Variants in CIC observed in about 807,000 individuals in gnomAD.
The protein encoded by CIC is protein capicua homolog.
In CIC, 18 loss-of-function variants were observed where a neutral mutation model predicts 115.7. The ratio of observed to expected loss-of-function variants is 0.16; its 90% confidence interval spans 0.11 to 0.23. The LOEUF is 0.23. Ranked by LOEUF, CIC falls within the 10% of genes least tolerant of loss-of-function variation. The pLI is 1.00. For missense variants in CIC, 2,000 were observed against 2,159.3 expected, an observed-to-expected ratio of 0.93 and a Z score of 1.46; for synonymous variants, 1,076 against 923.0, an observed-to-expected ratio of 1.17 and a Z score of -3.01.
rs751509060 is a variant in CIC at position 42,287,266 on chromosome 19, G to C, written c.3179+26G>C. ...GTGAGTTCCCTGAGGCCTGGGACTT[G>C]GGGGTGGGATGGCCAGAGACATGGC... On this transcript the variant is annotated intron_variant, in intron 4 of 20. Transcript: ENST00000681038. The surrounding 1 kb of genome is among the most constrained non-coding windows in gnomAD (Gnocchi z 8.7). 2.0e-5 allele frequency: 33 copies of C among 1,613,858 alleles called. No individual in the cohort carries two copies. The South Asian group carries it at 3.4e-4, about 17-fold the overall frequency.
At chr19:42,284,040 AGGGGAGCGCGTAGTAGTGGCGGGGC>A (rs1159496402) in intron 2 of CIC, 1 of 96,896 alleles carries the variant, frequency 1.0e-5, no homozygotes, top group Non-Finnish European at 2.3e-5. Context: ...CGGCGGGGGG[AGGGGAGCGCGTAGTAGTGGCGGGGC>A]GGGGAGGCGG....
intron 2 of CIC, chr19:42,284,554 CGGAGGGGGGCGGCGG>C (rs2037469222): frequency 5.7e-6 from 1 of 176,480 alleles, no homozygotes; most frequent in Admixed American, 1.1e-4. Flanking sequence ...GTGGGGCGGC[CGGAGGGGGGCGGCGG>C]GGGGGGGGGC....
In CIC at chr19:42,289,211, C is replaced by G. The variant is rs199556766; in HGVS notation, c.3892C>G (p.Pro1298Ala). Residue 1298 changes from proline (P) to alanine (A), a missense_variant, in exon 9 of 21, where the codon CCA becomes GCA. By Grantham distance (27) the Pro-to-Ala change is conservative (BLOSUM62 -1). This residue lies in a region of CIC where 1,466 missense variants were observed against 1,390.4 expected (regional missense o/e 1.05). Transcript: ENST00000681038. Reference protein sequence around the residue: ...MVSGPASYSGPKPSTQYGAPG... With the variant: ...MVSGPASYSGAKPSTQYGAPG... ...GTCTGGCCCTGCATCGTACTCTGGC[C>G]CAAAGCCTTCTACCCAGTATGGAGC... The G allele has an allele frequency of 1.1e-5, 17 of 1,613,322 alleles. 1 individual carries two copies. In the Admixed American group the frequency reaches 2.2e-4, roughly 21 times the overall value.
In CIC at chr19:42,295,348, C is replaced by T. The variant is rs970909670; in HGVS notation, c.*157C>T. ...TCCTCTTGTAAATACCCCCTTCCCTCGAAGCTCCCTCCCGGTGCTGGGGGG... is the reference window on the plus strand; with the variant it reads ...TCCTCTTGTAAATACCCCCTTCCCTTGAAGCTCCCTCCCGGTGCTGGGGGG... On this transcript the variant is annotated 3_prime_UTR_variant, in exon 21 of 21. Transcript: ENST00000681038. The T allele has an allele frequency of 3.5e-5, 23 of 658,128 alleles. No homozygotes were observed. Among genetic ancestry groups the T allele is most frequent in the East Asian group, 1.4e-4 (5 of 35,762 alleles). 40.8% of individuals were successfully genotyped at this position (658,128 alleles called of 1,614,324 possible).
intron 2 of CIC, among the ~76,000 whole-genome samples, chr19:42,282,076 G>A (rs2037282730): frequency 6.6e-6 from 1 of 152,162 alleles, no homozygotes; most frequent in Non-Finnish European, 1.5e-5. Context: ...GCCTCAATTC[G>A]TGCCTCACAT....
rs763904329 is a variant in CIC at position 42,293,847 on chromosome 19, G to A, written c.6767+11G>A. ...TGACTCTGTGGACAAGTGAGCATGG[G>A]CTGGGGCCTTGGTGGAGCGTGTTAG... On this transcript the variant is annotated intron_variant, in intron 17 of 20. Transcript: ENST00000681038. The A allele has an allele frequency of 1.9e-6, 3 of 1,612,938 alleles. No homozygotes were observed. In the East Asian group the frequency reaches 6.7e-5, roughly 36 times the overall value.
chr19:42,292,754 G>A lies in CIC; in HGVS notation c.6091G>A (p.Val2031Met), dbSNP rs1387133319. ...GGCCCCCCCAAGCCTGGTCTACACTGTGGCCACCAGCACAACCCCACCTGC... is the reference window on the plus strand; with the variant it reads ...GGCCCCCCCAAGCCTGGTCTACACTATGGCCACCAGCACAACCCCACCTGC... ...SQAPPSLVYT[V>M]ATSTTPPAAT... is the part of the protein sequence containing the mutation. The change falls in exon 15 of 21, where the codon GTG (valine) becomes ATG (methionine). Residue 2031 changes from valine (V) to methionine (M), a missense_variant. Physicochemically the swap from Val to Met is conservative, Grantham distance 21. Coordinates refer to ENST00000681038, the MANE Select transcript of CIC (RefSeq NM_001386298.1). The A allele has an allele frequency of 1.9e-6, 3 of 1,613,548 alleles. No individual in the cohort carries two copies. In the South Asian group the frequency reaches 3.3e-5, roughly 18 times the overall value.
At chr19:42,284,704 C>G (rs1789560620) in intron 2 of CIC, 4 of 1,548,502 alleles carry the variant, frequency 2.6e-6, no homozygotes, top group Non-Finnish European at 3.5e-6. Flanking sequence ...TGCGCCGGAC[C>G]ATGTATTCGG....
upstream of CIC, chr19:42,268,570 G>A (rs1225104100): frequency 1.3e-5 from 2 of 152,218 alleles, no homozygotes; most frequent in African/African-American, 4.8e-5. Context: ...AGGAGCCACC[G>A]GCGACGCCAG....
chr19:42,291,983 G>A (rs1049463034), intron 12 of CIC, 103 bp from the exon 13 acceptor site: 1 of 1,546,676 alleles, frequency 6.5e-7, no homozygotes, highest in Non-Finnish European at 8.9e-7. Context: ...CCCAAGTTCT[G>A]TGTTCCTTGC....
chr19:42,284,712 C>G, intron 2 of CIC: 1 of 1,551,438 alleles, frequency 6.4e-7, no homozygotes. Context: ...ACCATGTATT[C>G]GGCCCACAGG....
Position 42,274,162 on chromosome 19 carries a change from G to T in CIC, c.2379G>T (p.Ser793=), listed in dbSNP as rs1414954970. 2.5e-6 allele frequency: 1 copy of T among 399,210 alleles called. No individual in the cohort carries two copies. The highest frequency in any genetic ancestry group is 1.3e-4 in the South Asian group (1 of 7,906). 24.7% of individuals were successfully genotyped at this position (399,210 alleles called of 1,614,324 possible). A position where few individuals can be genotyped will look rare whatever the true frequency, so the allele number is the denominator to read the frequency against. Residue 793 remains serine, a synonymous_variant, in exon 2 of 21, where the codon TCG becomes TCT. Coordinates refer to ENST00000681038, the MANE Select transcript of CIC (RefSeq NM_001386298.1). The part of the protein sequence containing the change: ...LLLPPPAGLT[S]DPGPSVRRVP... ...TGCCACCCCCTGCCGGCCTGACCTC[G>T]GATCCAGGGCCCTCTGTGCGCAGGG...
chr19:42,278,921 G>A (rs1306442235), intron 2 of CIC, among the ~76,000 whole-genome samples: 5 of 152,240 alleles, frequency 3.3e-5, no homozygotes. Flanking sequence ...GAAAGCGGGG[G>A]CTGTATGGAC....
At chr19:42,283,586 C>T (rs1182337977) in intron 2 of CIC, among the ~76,000 whole-genome samples, 3 of 152,102 alleles carry the variant, frequency 2.0e-5, no homozygotes. Flanking sequence ...TAGGTGAGGG[C>T]TCAGGATGCC....
chr19:42,293,089 C>T lies in CIC; in HGVS notation c.6330C>T (p.Gly2110=), dbSNP rs2038262688. 1 of 1,610,318 alleles carries T rather than the reference C, an allele frequency of 6.2e-7. No individual in the cohort carries two copies. The highest frequency in any genetic ancestry group is 1.3e-5 in the African/African-American group (1 of 75,014). The change falls in exon 16 of 21, where the codon GGC becomes GGT. Residue 2110 remains glycine (G), a synonymous_variant. Transcript: ENST00000681038. Reference sequence around the variant, plus strand: ...AGGCAGGTGCCTCTGGGCGGCCTGGCCCTGCACCCCGGCAGCCTCTGGAGC... The same window carrying T: ...AGGCAGGTGCCTCTGGGCGGCCTGGTCCTGCACCCCGGCAGCCTCTGGAGC... ...SFEAGASGRP[G]PAPRQPLEPG...
chr19:42,290,341 G>A lies in CIC; in HGVS notation c.4300G>A (p.Gly1434Ser), dbSNP rs150975726. 62 of 1,613,954 alleles carry A rather than the reference G, an allele frequency of 3.8e-5. No individual in the cohort carries two copies. The highest frequency in any genetic ancestry group is 5.9e-6 in the Non-Finnish European group (7 of 1,179,988). Residue 1434 changes from glycine to serine, a missense_variant, in exon 11 of 21, where the codon GGC (glycine) becomes AGC (serine). Transcript: ENST00000681038. ...PGPPDPPVAF[G>S]KGYGSAPSSS... Reference sequence around the variant, plus strand: ...GCCCCCGGATCCTCCTGTAGCCTTTGGCAAAGGCTATGGTTCCGCCCCATC... The same window carrying A: ...GCCCCCGGATCCTCCTGTAGCCTTTAGCAAAGGCTATGGTTCCGCCCCATC...
chr19:42,290,858 C>A lies in CIC; in HGVS notation c.4817C>A (p.Ala1606Asp). ...AAGCCCTTCCCCACCTCTGGCCGGG[C>A]TGAGGCGTCTCCAAATGACACAGCA... Reference protein sequence around the residue: ...ASKPFPTSGRAEASPNDTAGA... With the variant: ...ASKPFPTSGRDEASPNDTAGA... The change falls in exon 11 of 21, where the codon GCT becomes GAT. Residue 1606 changes from alanine to aspartate, a missense_variant. Physicochemically the swap from Ala to Asp is moderately radical, Grantham distance 126. Around this residue, in one of 8 missense-constraint regions of CIC, gnomAD observed 1,466 missense variants for 1,390.4 expected, o/e 1.05. Transcript: ENST00000681038. 6.2e-7 allele frequency: 1 copy of A among 1,611,862 alleles called. No individual in the cohort carries two copies. Among genetic ancestry groups the A allele is most frequent in the South Asian group, 1.1e-5 (1 of 90,890 alleles).
chr19:42,286,909 A>C lies in CIC; in HGVS notation c.2933A>C (p.Asn978Thr), dbSNP rs759684401. Reference protein sequence around the residue: ...QQPASHPVASNQSKEPAESAA... With the variant: ...QQPASHPVASTQSKEPAESAA... Reference sequence around the variant, plus strand: ...CCTGCCAGCCACCCAGTGGCCTCCAACCAGAGCAAAGGTGAGGGCTGGTGG... The same window carrying C: ...CCTGCCAGCCACCCAGTGGCCTCCACCCAGAGCAAAGGTGAGGGCTGGTGG... Residue 978 changes from asparagine to threonine, a missense_variant, in exon 3 of 21, where the codon AAC becomes ACC. By Grantham distance (65) the Asn-to-Thr change is moderately conservative (BLOSUM62 0). Transcript: ENST00000681038. The C allele has an allele frequency of 6.2e-7, 1 of 1,611,052 alleles. No individual in the cohort carries two copies. Among genetic ancestry groups the C allele is most frequent in the African/African-American group, 1.3e-5 (1 of 74,858 alleles).
Position 42,271,896 on chromosome 19 carries a change from A to G in CIC, c.113A>G (p.Asp38Gly). ...AGGCGGCGAGGGGCTGGGGAGGGTG[A>G]CAAGCCAGAGGAGGAGGATGACGAG... ...ALRRRGAGEG[D>G]KPEEEDDEAQ... Residue 38 changes from aspartate (D) to glycine (G), a missense_variant, in exon 2 of 21, where the codon GAC becomes GGC. Asp to Gly is a moderately conservative substitution (Grantham distance 94). Around this residue, in one of 8 missense-constraint regions of CIC, gnomAD observed 222 missense variants for 247.7 expected, o/e 0.90. Transcript: ENST00000681038. The G allele has an allele frequency of 2.5e-6, 1 of 398,946 alleles. No homozygotes were observed. The highest frequency in any genetic ancestry group is 1.3e-4 in the South Asian group (1 of 7,872). The allele number at this position is 398,946 out of a possible 1,614,324, so 24.7% of individuals were successfully genotyped here.
Sources: allele counts gnomAD v4.1 joint callset (sites outside exome capture counted in the v4.1 genomes callset), GRCh38; gene constraint gnomAD v4.1.1; regional missense constraint gnomAD v4.1.1; non-coding constraint Gnocchi (gnomAD v3.1); transcripts MANE v1.5; gene names NCBI Gene and HGNC (gene_info 2026-07-23, HGNC 2026-07-21).